Variants in RALGPS1 observed in about 807,000 individuals in gnomAD.
RALGPS1 encodes the protein Ral GEF with PH domain and SH3 binding motif 1, also known as ras-specific guanine nucleotide-releasing factor RalGPS1.
Under a neutral mutation model 78.8 loss-of-function variants are expected in RALGPS1, and 19 were observed. The observed-to-expected ratio is 0.24, with a 90% CI of 0.17 to 0.35. The LOEUF is 0.35. Among genes scored for constraint, RALGPS1 ranks in the 10% least tolerant of loss-of-function variants. The pLI, the probability that RALGPS1 is intolerant of heterozygous loss-of-function variation, is 1.00. For missense variants in RALGPS1, 454 were observed against 688.3 expected (o/e 0.66, Z 3.81); for synonymous variants, 228 against 256.3 (o/e 0.89, Z 1.06).
intron 3 of RALGPS1, among the ~76,000 whole-genome samples, chr9:126,975,758 A>G (rs1056833841): frequency 6.6e-6 from 1 of 152,198 alleles, no homozygotes; most frequent in African/African-American, 2.4e-5. Context: ...CACCCAGATT[A>G]TGAGGGCCAG....
In RALGPS1 at chr9:126,996,896, G is replaced by T. The variant is rs572954268; in HGVS notation, c.216+19151G>T. ...GTTCAACATACACAAATCAATAAAT[G>T]TAATCCAGCATATAAACAGAACCAA... On this transcript the variant is annotated intron_variant, in intron 4 of 18. Transcript: ENST00000259351. Among the ~76,000 whole-genome samples, 3 of 152,330 alleles carry T rather than the reference G, an allele frequency of 2.0e-5. No homozygotes were observed. The East Asian group carries it at 5.8e-4, about 29-fold the overall frequency.
intron 1 of RALGPS1, among the ~76,000 whole-genome samples, chr9:126,919,010 G>A (rs894408582): frequency 2.0e-5 from 3 of 152,164 alleles, no homozygotes; most frequent in African/African-American, 7.2e-5. Context: ...GGAATAAGTT[G>A]TAAGTGTCTT....
intron 11 of RALGPS1, among the ~76,000 whole-genome samples, chr9:127,182,697 G>C (rs1276349389): frequency 6.6e-6 from 1 of 152,018 alleles, no homozygotes; most frequent in Non-Finnish European, 1.5e-5. Flanking sequence ...CCAAAGTCCT[G>C]GGATTACAGG....
chr9:127,164,792 G>A (rs1415329563), intron 8 of RALGPS1, among the ~76,000 whole-genome samples: 1 of 151,792 alleles, frequency 6.6e-6, no homozygotes, highest in East Asian at 1.9e-4. Flanking sequence ...CGCTCACCTC[G>A]GCCTCCCAAA....
chr9:127,173,246 G>T (rs139350208), intron 10 of RALGPS1, among the ~76,000 whole-genome samples: 4 of 152,288 alleles, frequency 2.6e-5, no homozygotes, highest in Non-Finnish European at 5.9e-5. Flanking sequence ...TTCACATCAT[G>T]CCCCGTGGAG....
At chr9:127,022,079 TGAGA>T (rs1351538216) in intron 4 of RALGPS1, among the ~76,000 whole-genome samples, 2 of 152,170 alleles carry the variant, frequency 1.3e-5, no homozygotes, top group African/African-American at 4.8e-5. Flanking sequence ...ACCTGAAAGC[TGAGA>T]AAGATAAATT....
rs550846639 is a variant in RALGPS1 at position 126,943,758 on chromosome 9, C to G, written c.-65-18467C>G. On this transcript the variant is annotated intron_variant, in intron 1 of 18. Transcript: ENST00000259351. ...TTTCACTGCCCCTTTTCCAACCAGA[C>G]CTTGCCCACCCTGCCTGTCTCTGTA... Among the ~76,000 whole-genome samples, 3 of 152,316 alleles carry G rather than the reference C, an allele frequency of 2.0e-5. No homozygotes were observed. The East Asian group carries it at 5.8e-4, about 29-fold the overall frequency.
intron 8 of RALGPS1, among the ~76,000 whole-genome samples, chr9:127,163,508 G>A (rs2059132219): frequency 6.6e-6 from 1 of 152,204 alleles, no homozygotes. Flanking sequence ...CCTGTGAGAA[G>A]TATTAGCATA....
intron 8 of RALGPS1, among the ~76,000 whole-genome samples, chr9:127,160,300 G>A (rs1405016736): frequency 6.6e-6 from 1 of 152,180 alleles, no homozygotes; most frequent in Non-Finnish European, 1.5e-5. Context: ...GGTGTCCTGT[G>A]GACACCTCTG....
chr9:127,192,835 G>T (rs1471463939), intron 11 of RALGPS1, among the ~76,000 whole-genome samples: 2 of 152,188 alleles, frequency 1.3e-5, no homozygotes, highest in African/African-American at 4.8e-5. Flanking sequence ...AGAGGCACAG[G>T]GAGAAGCAGG....
chr9:127,199,721 G>A (rs111413061), intron 14 of RALGPS1, among the ~76,000 whole-genome samples: 2 of 152,252 alleles, frequency 1.3e-5, no homozygotes, highest in South Asian at 2.1e-4. Flanking sequence ...CCAGGCGCCC[G>A]GTGATCTCTA....
chr9:127,084,339 C>T (rs1240633447), intron 8 of RALGPS1, among the ~76,000 whole-genome samples: 1 of 152,174 alleles, frequency 6.6e-6, no homozygotes, highest in Non-Finnish European at 1.5e-5. Context: ...AACGGCCCAT[C>T]TTTCATAGCT....
intron 8 of RALGPS1, among the ~76,000 whole-genome samples, chr9:127,118,318 A>T (rs1329375753): frequency 1.3e-5 from 2 of 152,240 alleles, no homozygotes; most frequent in African/African-American, 2.4e-5. Context: ...CAGTTTTGTC[A>T]TAGAAACTAC....
intron 4 of RALGPS1, among the ~76,000 whole-genome samples, chr9:127,017,507 TTACTG>T (rs1169708754): frequency 4.7e-4 from 72 of 152,336 alleles, no homozygotes; most frequent in African/African-American, 1.7e-3. Flanking sequence ...GCCTTGGACA[TTACTG>T]TAATACACAA....
intron 1 of RALGPS1, among the ~76,000 whole-genome samples, chr9:126,959,064 C>CTTTTTTT (rs35067123): frequency 7.3e-6 from 1 of 136,334 alleles, no homozygotes; most frequent in African/African-American, 2.7e-5. Flanking sequence ...TCTTCTTCTT[C>CTTTTTTT]TTTTTTTTTT....
At chr9:126,949,637 T>G (rs1290642273) in intron 1 of RALGPS1, among the ~76,000 whole-genome samples, 1 of 147,610 alleles carries the variant, frequency 6.8e-6, no homozygotes, top group Non-Finnish European at 1.5e-5. Context: ...GTTCATATCC[T>G]TTGCCCACTT....
At chr9:127,112,360 A>G (rs2054915258) in intron 8 of RALGPS1, among the ~76,000 whole-genome samples, 1 of 152,240 alleles carries the variant, frequency 6.6e-6, no homozygotes, top group Non-Finnish European at 1.5e-5. Context: ...GGGCTAGGGC[A>G]GGCCTGCTGG....
chr9:127,025,415 G>GGATTGCTGGGCCTACCAGTGA (rs1187235213), intron 4 of RALGPS1, among the ~76,000 whole-genome samples: 2 of 152,142 alleles, frequency 1.3e-5, no homozygotes, highest in Non-Finnish European at 2.9e-5. Context: ...CTACCCAATG[G>GGATTGCTGGGCCTACCAGTGA]GATTGCTGGG....
chr9:127,114,156 G>A (rs575809156), intron 8 of RALGPS1, among the ~76,000 whole-genome samples: 2 of 152,288 alleles, frequency 1.3e-5, no homozygotes, highest in South Asian at 4.1e-4. Context: ...CGCCATGCAT[G>A]GTGGCCCCAC....
Sources: allele counts gnomAD v4.1 joint callset (sites outside exome capture counted in the v4.1 genomes callset), GRCh38; gene constraint gnomAD v4.1.1; transcripts MANE v1.5; gene names NCBI Gene and HGNC (gene_info 2026-07-23, HGNC 2026-07-21).